Variants in DDX10 observed in about 807,000 individuals in gnomAD.
DDX10 encodes the protein probable ATP-dependent RNA helicase DDX10.
A neutral mutation model predicts 104.3 loss-of-function variants in DDX10; 74 were observed. That is an observed-to-expected ratio of 0.71 (90% CI 0.59 to 0.86). The LOEUF is 0.86. DDX10 is among the 40% of genes least tolerant of loss of function. The probability of loss-of-function intolerance (pLI) is 0.00; values close to 1 mark genes in which losing one functional copy is unlikely to be tolerated. For missense variants in DDX10, 952 were observed against 1,040.0 expected (o/e 0.92, Z 1.16); for synonymous variants, 351 against 353.4 (o/e 0.99, Z 0.08).
At chr11:108,852,132 T>G in intron 15 of DDX10, 21 bp from the exon 16 acceptor site, 1 of 1,595,572 alleles carries the variant, frequency 6.3e-7, no homozygotes, top group Non-Finnish European at 8.6e-7. Context: ...TGCTAATTTT[T>G]CTCCTCTTCC....
At chr11:108,897,529 G>T (rs565792236) in intron 16 of DDX10, among the ~76,000 whole-genome samples, 103 of 152,206 alleles carry the variant, frequency 6.8e-4, no homozygotes, top group African/African-American at 2.4e-3. Context: ...TAGTTCCTTG[G>T]CAGGGAATCA....
intron 1 of DDX10, among the ~76,000 whole-genome samples, chr11:108,669,917 C>T (rs2094214885): frequency 6.6e-6 from 1 of 152,126 alleles, no homozygotes; most frequent in Non-Finnish European, 1.5e-5. Flanking sequence ...TGGACTCTGC[C>T]GTAGAGTCAT....
At chr11:108,667,007 G>T (rs532085071) in intron 1 of DDX10, among the ~76,000 whole-genome samples, 1 of 152,298 alleles carries the variant, frequency 6.6e-6, no homozygotes, top group East Asian at 1.9e-4. Flanking sequence ...CGGTCACACT[G>T]CTGATCTGTT....
Position 108,673,453 on chromosome 11 carries a change from T to C in DDX10, c.187-14T>C. 2 of 1,556,132 alleles carry C rather than the reference T, an allele frequency of 1.3e-6. No individual in the cohort carries two copies. Among genetic ancestry groups the C allele is most frequent in the Non-Finnish European group, 1.8e-6 (2 of 1,128,938 alleles). On this transcript the variant is annotated splice_polypyrimidine_tract_variant and intron_variant, in intron 1 of 17. Transcript: ENST00000322536. ...ACAAATGAGTTACCCTGATTCCTTT[T>C]TCTTTTTTTCCAGATAAATGTAAAT...
At chr11:108,881,934 G>C (rs1157347216) in intron 16 of DDX10, among the ~76,000 whole-genome samples, 5 of 152,044 alleles carry the variant, frequency 3.3e-5, no homozygotes, top group Admixed American at 1.3e-4. Context: ...ACTCTATATG[G>C]TGCTGACCAA....
chr11:108,750,302 T>G (rs2094336763), intron 13 of DDX10, among the ~76,000 whole-genome samples: 1 of 152,190 alleles, frequency 6.6e-6, no homozygotes, highest in South Asian at 2.1e-4. Flanking sequence ...TAGTACTAAA[T>G]AGGCAGGTGT....
At position 108,723,375 on chromosome 11, in the gene DDX10, A is replaced by G; in HGVS notation, c.1878A>G (p.Arg626=). ...AAGTTCCTACACAGTTCTTGGACAG[A>G]GATGAGGAGGAAGAAGATGCTGATT... ...IKEVPTQFLD[R]DEEEEDADFL... Residue 626 remains arginine, a synonymous_variant, in exon 13 of 18, where the codon AGA becomes AGG. Coordinates refer to ENST00000322536, the MANE Select transcript of DDX10 (RefSeq NM_004398.4). The G allele has an allele frequency of 6.2e-7, 1 of 1,613,978 alleles. No individual in the cohort carries two copies. The highest frequency in any genetic ancestry group is 8.5e-7 in the Non-Finnish European group (1 of 1,179,904).
At chr11:108,832,582 C>G (rs1033890283) in intron 13 of DDX10, among the ~76,000 whole-genome samples, 1 of 152,190 alleles carries the variant, frequency 6.6e-6, no homozygotes, top group African/African-American at 2.4e-5. Flanking sequence ...TAAAATAATA[C>G]AACTGCAACT....
chr11:108,745,190 T>TCCCCG (rs745605551), intron 13 of DDX10, among the ~76,000 whole-genome samples: 1 of 95,604 alleles, frequency 1.0e-5, no homozygotes, highest in African/African-American at 3.7e-5. Flanking sequence ...TCCCCTCCCC[T>TCCCCG]TCCTTCCCTT....
intron 10 of DDX10, among the ~76,000 whole-genome samples, chr11:108,714,920 A>T (rs187125105): frequency 1.3e-4 from 19 of 150,454 alleles, no homozygotes; most frequent in African/African-American, 4.6e-4. Flanking sequence ...ATATTTTGAA[A>T]TTTTTTATAA....
At chr11:108,666,546 C>T (rs930510288) in intron 1 of DDX10, among the ~76,000 whole-genome samples, 3 of 152,228 alleles carry the variant, frequency 2.0e-5, no homozygotes, top group Non-Finnish European at 2.9e-5. Context: ...GGAGGCCATA[C>T]GTCTGAAATC....
intron 16 of DDX10, among the ~76,000 whole-genome samples, chr11:108,865,545 A>G (rs989039758): frequency 1.3e-5 from 2 of 152,130 alleles, no homozygotes. Flanking sequence ...GGAAGGCGTC[A>G]GATTTGGGAG....
At chr11:108,857,533 G>A (rs1862887476) in intron 16 of DDX10, among the ~76,000 whole-genome samples, 1 of 152,078 alleles carries the variant, frequency 6.6e-6, no homozygotes, top group African/African-American at 2.4e-5. Context: ...TTTGGCTCTG[G>A]CTCTTGTTTT....
At chr11:108,677,299 G>C (rs2094226945) in intron 4 of DDX10, 56 bp downstream of exon 4, 3 of 1,496,812 alleles carry the variant, frequency 2.0e-6, no homozygotes, top group Non-Finnish European at 2.7e-6. Context: ...CTGGAGTACT[G>C]TGGCCGATGA....
At position 108,762,347 on chromosome 11, in the gene DDX10, G is replaced by A. The variant is rs538015694; in HGVS notation, c.1965+38885G>A. Among the ~76,000 whole-genome samples the A allele has an allele frequency of 4.6e-5, 7 of 152,290 alleles. 1 individual carries two copies. The South Asian group carries it at 1.4e-3, about 32-fold the overall frequency. On this transcript the variant is annotated intron_variant, in intron 13 of 17. Transcript: ENST00000322536. The stretch of plus-strand genomic sequence containing the variant: ...ACCAGTGTACTGTCAGGTAAATGGT[G>A]TGGCTCATTTATGTTTGGCTTATGA...
chr11:108,812,811 G>A (rs954227388), intron 13 of DDX10, among the ~76,000 whole-genome samples: 10 of 151,592 alleles, frequency 6.6e-5, no homozygotes, highest in Admixed American at 2.0e-4. Context: ...GTGAAACCCC[G>A]TTTTTACTGA....
intron 16 of DDX10, 90 bp from the exon 17 acceptor site, chr11:108,917,783 A>G: frequency 1.6e-6 from 2 of 1,278,802 alleles, no homozygotes; most frequent in Non-Finnish European, 2.2e-6. Context: ...GATGTCAATT[A>G]GAGGGATATC....
At chr11:108,845,042 C>T (rs533623064) in intron 15 of DDX10, among the ~76,000 whole-genome samples, 289 of 151,988 alleles carry the variant, frequency 1.9e-3, no homozygotes, top group Non-Finnish European at 3.3e-3. Flanking sequence ...TAAAAAAATA[C>T]AGAAAAAAAA....
At chr11:108,838,651 A>G (rs1022058483) in intron 14 of DDX10, 86 bp downstream of exon 14, 2 of 1,420,654 alleles carry the variant, frequency 1.4e-6, no homozygotes, top group Admixed American at 4.6e-5. Flanking sequence ...CTCATTAATG[A>G]TAGAGTAAAT....
Sources: allele counts gnomAD v4.1 joint callset (sites outside exome capture counted in the v4.1 genomes callset), GRCh38; gene constraint gnomAD v4.1.1; transcripts MANE v1.5; gene names NCBI Gene and HGNC (gene_info 2026-07-23, HGNC 2026-07-21).